Variants in FRMD4A observed in about 807,000 individuals in gnomAD.
The protein encoded by FRMD4A is FERM domain-containing protein 4A.
Under a neutral mutation model 129.1 loss-of-function variants are expected in FRMD4A, and 29 were observed. The ratio of observed to expected loss-of-function variants is 0.22; its 90% CI spans 0.17 to 0.31. The LOEUF is 0.31. Among genes scored for constraint, FRMD4A ranks in the 10% least tolerant of loss-of-function variants. FRMD4A has a pLI of 1.00. For synonymous variants in FRMD4A, 634 were observed against 571.6 expected (o/e 1.11, Z -1.56); for missense variants, 1,272 against 1,375.8 (o/e 0.92, Z 1.19).
intron 2 of FRMD4A, among the ~76,000 whole-genome samples, chr10:13,900,060 C>G (rs1489805729): frequency 1.3e-5 from 2 of 152,136 alleles, no homozygotes; most frequent in Non-Finnish European, 2.9e-5. Flanking sequence ...AAGTGCTTGG[C>G]TGGTTTCAAG....
At chr10:14,173,854 C>T (rs1430712328) in intron 2 of FRMD4A, among the ~76,000 whole-genome samples, 2 of 151,952 alleles carry the variant, frequency 1.3e-5, no homozygotes, top group African/African-American at 4.8e-5. Context: ...CCTCAGATCG[C>T]GCTGCCGTGC....
At chr10:13,869,010 G>A (rs1179848951) in intron 2 of FRMD4A, among the ~76,000 whole-genome samples, 2 of 152,136 alleles carry the variant, frequency 1.3e-5, no homozygotes, top group Admixed American at 6.5e-5. Flanking sequence ...GTCATAACCC[G>A]GGCTGGCGTT....
rs762361936 is a variant in FRMD4A, at chr10:13,701,475, A to C, written c.840T>G (p.Ala280=). 2.5e-6 allele frequency: 4 copies of C among 1,611,908 alleles called. No individual in the cohort carries two copies. The African/African-American group carries it at 5.3e-5, about 22-fold the overall frequency. Residue 280 remains alanine (A), a synonymous_variant, in exon 14 of 25, where the codon GCT becomes GCG. Transcript: ENST00000357447. ...GCCCAAACGTCCTCCTTGTCACTGA[A>C]GCCCTGGGGAAGCAAGAATCACAAG... ...FSVEVHDPRR[A]SVTRRTFGHS...
chr10:13,790,171 G>GT (rs561179285), intron 5 of FRMD4A, among the ~76,000 whole-genome samples: 3,533 of 132,434 alleles, frequency 0.027, 104 homozygotes, highest in East Asian at 0.12. Context: ...GAGCGGTGAG[G>GT]TCAAGGTTGA....
chr10:13,796,986 C>G (rs2093133907), intron 4 of FRMD4A, among the ~76,000 whole-genome samples: 1 of 152,186 alleles, frequency 6.6e-6, no homozygotes. Context: ...TCCCAAAGTG[C>G]TGGGATTACA....
intron 2 of FRMD4A, among the ~76,000 whole-genome samples, chr10:13,869,433 A>C (rs907561878): frequency 3.3e-5 from 5 of 152,256 alleles, no homozygotes; most frequent in Non-Finnish European, 5.9e-5. Flanking sequence ...AATGATGGAC[A>C]GGTGCGACAG....
intron 9 of FRMD4A, among the ~76,000 whole-genome samples, chr10:13,747,308 G>A (rs1202532928): frequency 2.6e-5 from 4 of 151,942 alleles, no homozygotes; most frequent in East Asian, 3.9e-4. Flanking sequence ...CGAGGCAAGC[G>A]GATCACCTGA....
rs940237262 is a variant in FRMD4A, at chr10:14,231,846, T to C, written c.45+98212A>G. On this transcript the variant is annotated intron_variant, in intron 2 of 24. Coordinates refer to ENST00000357447, the MANE Select transcript of FRMD4A (RefSeq NM_018027.5). ...CGATATTAGACCTTTGTCAGATGCA[T>C]AGTTTGCAAATATTTTCTCCCCATT... 3.9e-5 allele frequency among the ~76,000 whole-genome samples: 6 copies of C among 152,218 alleles called. No homozygotes were observed. In the East Asian group the frequency reaches 9.6e-4, roughly 24 times the overall value.
chr10:13,967,063 C>T (rs182266871), intron 2 of FRMD4A, among the ~76,000 whole-genome samples: 2 of 152,188 alleles, frequency 1.3e-5, no homozygotes, highest in Non-Finnish European at 2.9e-5. Context: ...ACGGGCCGGG[C>T]GCGGTGGCTC....
At chr10:14,132,042 T>G (rs1196898090) in intron 2 of FRMD4A, among the ~76,000 whole-genome samples, 1 of 152,122 alleles carries the variant, frequency 6.6e-6, no homozygotes, top group Non-Finnish European at 1.5e-5. Context: ...TCCCAGCACT[T>G]CGGGAGGCCA....
chr10:13,820,401 C>A (rs1319578193), intron 3 of FRMD4A, among the ~76,000 whole-genome samples: 1 of 152,156 alleles, frequency 6.6e-6, no homozygotes, highest in Non-Finnish European at 1.5e-5. Context: ...GCTGGGAAGG[C>A]AGGCGGGCCT....
chr10:13,833,621 T>A (rs2093824867), intron 3 of FRMD4A, among the ~76,000 whole-genome samples: 1 of 152,102 alleles, frequency 6.6e-6, no homozygotes, highest in Non-Finnish European at 1.5e-5. Context: ...TAAATGAACC[T>A]GTCAATACAA....
rs571015168 is a variant in FRMD4A at position 14,009,309 on chromosome 10, TG to T, written c.46-150398del. On this transcript the variant is annotated intron_variant, in intron 2 of 24. Transcript: ENST00000357447. ...GTGCTTCCAGGATATGGGGTATGTT[TG>T]GGTTTTTTTTTTCTTTTTCTTTTTA... Among the ~76,000 whole-genome samples the T allele has an allele frequency of 1.2e-4, 18 of 144,024 alleles. No homozygotes were observed. In the South Asian group the frequency reaches 3.0e-3, roughly 24 times the overall value. 94.5% of individuals were successfully genotyped at this position (144,024 alleles called of 152,430 possible). A position where few individuals can be genotyped will look rare whatever the true frequency, so the allele number is the denominator to read the frequency against.
At chr10:13,943,847 C>T (rs568679374) in intron 2 of FRMD4A, among the ~76,000 whole-genome samples, 4 of 151,758 alleles carry the variant, frequency 2.6e-5, no homozygotes, top group African/African-American at 4.8e-5. Context: ...TGGTGTGGAT[C>T]GGATAAATTG....
chr10:14,070,969 T>C (rs547114426), intron 2 of FRMD4A, among the ~76,000 whole-genome samples: 1 of 152,208 alleles, frequency 6.6e-6, no homozygotes, highest in Non-Finnish European at 1.5e-5. Flanking sequence ...AGGGAACAGA[T>C]GGATTGCAAG....
At chr10:13,766,151 A>T (rs1263013204) in intron 6 of FRMD4A, among the ~76,000 whole-genome samples, 1 of 152,248 alleles carries the variant, frequency 6.6e-6, no homozygotes, top group Non-Finnish European at 1.5e-5. Flanking sequence ...ACAGCCCATT[A>T]TGTGGTCCCA....
At chr10:14,259,370 T>C (rs1392000090) in intron 2 of FRMD4A, among the ~76,000 whole-genome samples, 4 of 152,324 alleles carry the variant, frequency 2.6e-5, no homozygotes, top group Non-Finnish European at 5.9e-5. Flanking sequence ...TTAATAATTA[T>C]ATTACTGAAA....
chr10:13,971,996 G>A (rs2095521413), intron 2 of FRMD4A: 2 of 1,179,748 alleles, frequency 1.7e-6, no homozygotes. Context: ...CTCAGAGACT[G>A]CTTTCCTTCA....
At chr10:14,274,296 G>C (rs965443154) in intron 2 of FRMD4A, among the ~76,000 whole-genome samples, 1 of 152,148 alleles carries the variant, frequency 6.6e-6, no homozygotes, top group Non-Finnish European at 1.5e-5. Flanking sequence ...AGCAGATTAC[G>C]ATCACCATGA....
Sources: allele counts gnomAD v4.1 joint callset (sites outside exome capture counted in the v4.1 genomes callset), GRCh38; gene constraint gnomAD v4.1.1; transcripts MANE v1.5; gene names NCBI Gene and HGNC (gene_info 2026-07-23, HGNC 2026-07-21).